FRMPD1: variants seen among roughly 807,000 people sequenced by gnomAD.
FRMPD1 encodes FERM and PDZ domain containing 1.
Under a neutral mutation model 117.8 loss-of-function variants are expected in FRMPD1, and 76 were observed. The observed-to-expected ratio is 0.65, with a 90% CI of 0.54 to 0.78. The LOEUF is 0.78. Among genes scored for constraint, FRMPD1 ranks in the 30% least tolerant of loss-of-function variants. The pLI, the probability that FRMPD1 is intolerant of heterozygous loss-of-function variation, is 0.00. For synonymous variants in FRMPD1, 783 were observed against 770.4 expected (o/e 1.02, Z -0.27); for missense variants, 1,786 against 1,964.5 (o/e 0.91, Z 1.72).
chr9:37,646,448 A>G (rs1824141985), upstream of FRMPD1, among the ~76,000 whole-genome samples: 1 of 152,130 alleles, frequency 6.6e-6, no homozygotes, highest in South Asian at 2.1e-4. Context: ...GAGTGAGGGG[A>G]CTTGGTGGCA....
At chr9:37,674,663 A>G (rs1004882919) in intron 1 of FRMPD1, among the ~76,000 whole-genome samples, 1 of 152,258 alleles carries the variant, frequency 6.6e-6, no homozygotes, top group South Asian at 2.1e-4. Flanking sequence ...GTGAGGCCTC[A>G]GAATCACAGT....
At chr9:37,692,144 G>A (rs374439193) in intron 1 of FRMPD1, among the ~76,000 whole-genome samples, 49 of 152,288 alleles carry the variant, frequency 3.2e-4, no homozygotes, top group African/African-American at 1.1e-3. Context: ...AATTATGTAA[G>A]TGAAATACTT....
the FRMPD1 span, among the ~76,000 whole-genome samples, chr9:37,638,021 T>TTTC: frequency 9.1e-6 from 1 of 109,706 alleles, no homozygotes; most frequent in Non-Finnish European, 1.9e-5. Flanking sequence ...TCTTTCTTTC[T>TTTC]TTCTCTCTCT....
the FRMPD1 span, among the ~76,000 whole-genome samples, chr9:37,610,710 A>G: frequency 6.6e-6 from 1 of 150,734 alleles, no homozygotes; most frequent in Admixed American, 6.7e-5. Flanking sequence ...TTCTCCTGCC[A>G]CAGCCTCCTG....
chr9:37,685,743 G>A (rs1161258622), intron 1 of FRMPD1, among the ~76,000 whole-genome samples: 1 of 152,096 alleles, frequency 6.6e-6, no homozygotes, highest in Non-Finnish European at 1.5e-5. Flanking sequence ...TTTGTGAGTT[G>A]AAATCCTCAA....
At chr9:37,704,187 G>C (rs1312077903) in intron 2 of FRMPD1, among the ~76,000 whole-genome samples, 1 of 152,154 alleles carries the variant, frequency 6.6e-6, no homozygotes, top group East Asian at 1.9e-4. Flanking sequence ...CTTTTCAACT[G>C]TAACTTTTCT....
In FRMPD1 at chr9:37,746,269, G is replaced by A. The variant is rs752782847; in HGVS notation, c.4237G>A (p.Ala1413Thr). Reference protein sequence around the residue: ...YCSRALRQLKATPASTPEGFI... With the variant: ...YCSRALRQLKTTPASTPEGFI... ...CTCCAGGGCACTGAGACAGCTGAAAGCCACCCCTGCCAGCACCCCTGAGGG... is the reference window on the plus strand; with the variant it reads ...CTCCAGGGCACTGAGACAGCTGAAAACCACCCCTGCCAGCACCCCTGAGGG... Residue 1413 changes from alanine to threonine, a missense_variant, in exon 16 of 16, where the codon GCC becomes ACC. Transcript: ENST00000377765. 1 of 1,612,756 alleles carries A rather than the reference G, an allele frequency of 6.2e-7. No homozygotes were observed. Among genetic ancestry groups the A allele is most frequent in the Non-Finnish European group, 8.5e-7 (1 of 1,179,812 alleles).
chr9:37,727,500 AG>A (rs1174636189), intron 7 of FRMPD1, among the ~76,000 whole-genome samples: 1 of 152,094 alleles, frequency 6.6e-6, no homozygotes, highest in Non-Finnish European at 1.5e-5. Flanking sequence ...GGGTGGCAGG[AG>A]GGTTCACAGG....
intron 1 of FRMPD1, among the ~76,000 whole-genome samples, chr9:37,656,496 A>G (rs1160124540): frequency 6.6e-6 from 1 of 152,246 alleles, no homozygotes; most frequent in Non-Finnish European, 1.5e-5. Context: ...GAAAGCTTTC[A>G]AACACCAAAT....
the FRMPD1 span, among the ~76,000 whole-genome samples, chr9:37,630,375 CTTATTTAT>C: frequency 2.6e-5 from 4 of 151,390 alleles, no homozygotes; most frequent in Admixed American, 6.6e-5. Context: ...TTCTTTTTTG[CTTATTTAT>C]TTATTTATTT....
At chr9:37,671,614 A>G (rs1821354325) in intron 1 of FRMPD1, among the ~76,000 whole-genome samples, 1 of 152,190 alleles carries the variant, frequency 6.6e-6, no homozygotes, top group African/African-American at 2.4e-5. Flanking sequence ...CTGTGAAAGC[A>G]CCGACCCCGA....
chr9:37,635,847 C>T, the FRMPD1 span, among the ~76,000 whole-genome samples: 1 of 152,112 alleles, frequency 6.6e-6, no homozygotes, highest in Non-Finnish European at 1.5e-5. Context: ...CTCCAGAGAC[C>T]GAGGGGAGAG....
Position 37,732,352 on chromosome 9 carries a change from AGCTCTGCACTCCGACTCGCG to A in FRMPD1, c.917_936del (p.Leu306HisfsTer47), listed in dbSNP as rs1417180280. 1 of 1,613,902 alleles carries A rather than the reference AGCTCTGCACTCCGACTCGCG, an allele frequency of 6.2e-7. No individual in the cohort carries two copies. Among genetic ancestry groups the A allele is most frequent in the Admixed American group, 1.7e-5 (1 of 60,028 alleles). On this transcript the variant is annotated frameshift_variant, in exon 10 of 16. Coordinates refer to ENST00000377765, the MANE Select transcript of FRMPD1 (RefSeq NM_014907.3). LOFTEE classifies it high-confidence loss of function. ...GCGCTTTGCTGTAGAAATGAAATGTAGCTCTGCACTCCGACTCGCGGCTCTGCACATCCAGGAACGGATCT... is the reference window on the plus strand; with the variant it reads ...GCGCTTTGCTGTAGAAATGAAATGTAGCTCTGCACATCCAGGAACGGATCT...
intron 1 of FRMPD1, among the ~76,000 whole-genome samples, chr9:37,664,032 G>A (rs1326753198): frequency 6.6e-6 from 1 of 152,160 alleles, no homozygotes; most frequent in Non-Finnish European, 1.5e-5. Flanking sequence ...TTCTGTTTCA[G>A]TATGGTACCT....
intron 1 of FRMPD1, among the ~76,000 whole-genome samples, chr9:37,659,539 C>T (rs560466135): frequency 2.0e-5 from 3 of 152,188 alleles, no homozygotes; most frequent in South Asian, 2.1e-4. Flanking sequence ...TATTCATTGC[C>T]GGTTCTCAGA....
At chr9:37,641,522 C>T in the FRMPD1 span, among the ~76,000 whole-genome samples, 4 of 152,212 alleles carry the variant, frequency 2.6e-5, no homozygotes, top group Non-Finnish European at 5.9e-5. Flanking sequence ...CAAGAGCTGG[C>T]ATTCAAGCTA....
At chr9:37,620,563 G>A in the FRMPD1 span, among the ~76,000 whole-genome samples, 1 of 151,970 alleles carries the variant, frequency 6.6e-6, no homozygotes, top group Non-Finnish European at 1.5e-5. Flanking sequence ...GCTTAGCATA[G>A]TAGACAGCTG....
At chr9:37,610,485 C>CAAA in the FRMPD1 span, among the ~76,000 whole-genome samples, 1 of 151,526 alleles carries the variant, frequency 6.6e-6, no homozygotes, top group African/African-American at 2.4e-5. Flanking sequence ...AAAACAACAA[C>CAAA]AAAAAACAAA....
At chr9:37,616,116 CCTT>C in the FRMPD1 span, among the ~76,000 whole-genome samples, 2 of 129,150 alleles carry the variant, frequency 1.5e-5, no homozygotes, top group African/African-American at 6.1e-5. Flanking sequence ...TGTGCCCAGC[CCTT>C]TTTTTTTTTT....
Sources: allele counts gnomAD v4.1 joint callset (sites outside exome capture counted in the v4.1 genomes callset), GRCh38; gene constraint gnomAD v4.1.1; transcripts MANE v1.5; gene names NCBI Gene and HGNC (gene_info 2026-07-23, HGNC 2026-07-21).